The following RAB6B variants were observed in gnomAD, a reference collection of about 807,000 sequenced individuals.
The protein encoded by RAB6B is ras-related protein Rab-6B.
Under a neutral mutation model 31.2 loss-of-function variants are expected in RAB6B, and 7 were observed. The ratio of observed to expected loss-of-function variants is 0.22; its 90% CI spans 0.13 to 0.42. RAB6B has a LOEUF of 0.42. Among genes scored for constraint, RAB6B ranks in the 10% least tolerant of loss-of-function variants. The pLI, the probability that RAB6B is intolerant of heterozygous loss-of-function variation, is 1.00. For missense variants in RAB6B, 149 were observed against 280.6 expected (o/e 0.53, Z 3.35); for synonymous variants, 105 against 104.9 (o/e 1.00, Z -0.01).
rs78264067 is a variant in RAB6B at position 133,886,685 on chromosome 3, G to A, written c.70+8712C>T. ...TGAGCAGCTCTTCCTGCCAGATCACGAGGATGTAGACCCCACAGTTCACAA... is the reference window on the plus strand; with the variant it reads ...TGAGCAGCTCTTCCTGCCAGATCACAAGGATGTAGACCCCACAGTTCACAA... On this transcript the variant is annotated intron_variant, in intron 1 of 7. Coordinates refer to ENST00000285208, the MANE Select transcript of RAB6B (RefSeq NM_016577.4). Among the ~76,000 whole-genome samples the A allele has an allele frequency of 1.5e-3, 234 of 152,302 alleles. 2 individuals carry two copies. The highest frequency in any genetic ancestry group is 5.4e-3 in the African/African-American group (224 of 41,570).
intron 1 of RAB6B, among the ~76,000 whole-genome samples, chr3:133,881,998 T>C (rs1348272433): frequency 2.6e-5 from 4 of 152,266 alleles, no homozygotes; most frequent in Non-Finnish European, 5.9e-5. Context: ...CACTGGATCC[T>C]CTGCTCAGCA....
At chr3:133,857,745 G>A (rs1323529810) in intron 2 of RAB6B, among the ~76,000 whole-genome samples, 3 of 152,160 alleles carry the variant, frequency 2.0e-5, no homozygotes, top group Admixed American at 6.5e-5. Context: ...CCTCCCACTG[G>A]ACTCTTCCTT....
At chr3:133,868,310 A>G (rs1936265865) in intron 1 of RAB6B, among the ~76,000 whole-genome samples, 1 of 152,218 alleles carries the variant, frequency 6.6e-6, no homozygotes, top group South Asian at 2.1e-4. Context: ...AGGGGTGGGC[A>G]GAACCCATCC....
At chr3:133,868,921 T>C (rs1936278796) in intron 1 of RAB6B, among the ~76,000 whole-genome samples, 1 of 152,092 alleles carries the variant, frequency 6.6e-6, no homozygotes, top group African/African-American at 2.4e-5. Flanking sequence ...AGCTGGGAAG[T>C]GGTGGAGCTG....
intron 2 of RAB6B, among the ~76,000 whole-genome samples, chr3:133,850,192 C>T (rs760554765): frequency 5.9e-5 from 9 of 151,996 alleles, no homozygotes; most frequent in Non-Finnish European, 1.0e-4. Flanking sequence ...CTGCCTACCA[C>T]GGGGGGGAGA....
intron 1 of RAB6B, among the ~76,000 whole-genome samples, chr3:133,892,923 A>T (rs1936656544): frequency 6.6e-6 from 1 of 152,242 alleles, no homozygotes; most frequent in Non-Finnish European, 1.5e-5. Flanking sequence ...TAAGGCTTAG[A>T]GATGCACATA....
chr3:133,834,688 C>T, intron 6 of RAB6B, 47 bp from the exon 7 acceptor site: 2 of 1,544,548 alleles, frequency 1.3e-6, no homozygotes, highest in Non-Finnish European at 1.8e-6. Context: ...CTGGCCCTCC[C>T]CTCTGCTCCT....
At position 133,827,850 on chromosome 3, in the gene RAB6B, CA is replaced by C. The variant is rs1935594617; in HGVS notation, c.*937del. 1.5e-6 allele frequency: 1 copy of C among 667,608 alleles called. No individual in the cohort carries two copies. The highest frequency in any genetic ancestry group is 1.5e-5 in the South Asian group (1 of 67,190). The allele number at this position is 667,608 out of a possible 1,614,324, so 41.4% of individuals were successfully genotyped here. A position where few individuals can be genotyped will look rare whatever the true frequency, so the allele number is the denominator to read the frequency against. On this transcript the variant is annotated 3_prime_UTR_variant, in exon 8 of 8. Transcript: ENST00000285208. ...TTCAGGATGGCACACTGCCCAACAT[CA>C]CACACTGAGTTTCTTAGACTTGGCC...
chr3:133,890,107 A>C (rs1231480108), intron 1 of RAB6B, among the ~76,000 whole-genome samples: 1 of 152,234 alleles, frequency 6.6e-6, no homozygotes, highest in East Asian at 1.9e-4. Context: ...AGAGAAATCA[A>C]GAGAAGGAAG....
chr3:133,827,830 G>A lies in RAB6B; in HGVS notation c.*958C>T. On this transcript the variant is annotated 3_prime_UTR_variant, in exon 8 of 8. Coordinates refer to ENST00000285208, the MANE Select transcript of RAB6B (RefSeq NM_016577.4). The stretch of plus-strand genomic sequence containing the variant: ...CTGACATCCAGGAGGAAGGCTTCAG[G>A]ATGGCACACTGCCCAACATCACACA... 1 of 619,714 alleles carries A rather than the reference G, an allele frequency of 1.6e-6. No individual in the cohort carries two copies. The highest frequency in any genetic ancestry group is 1.5e-5 in the South Asian group (1 of 65,998). 38.4% of individuals were successfully genotyped at this position (619,714 alleles called of 1,614,324 possible).
intron 2 of RAB6B, among the ~76,000 whole-genome samples, chr3:133,852,001 A>T (rs1161024694): frequency 6.7e-6 from 1 of 148,800 alleles, no homozygotes; most frequent in Non-Finnish European, 1.5e-5. Context: ...TGCCACCTCC[A>T]TGGAGAGCCA....
chr3:133,895,304 T>G, intron 1 of RAB6B, 93 bp downstream of exon 1: 1 of 1,414,880 alleles, frequency 7.1e-7, no homozygotes, highest in Non-Finnish European at 9.9e-7. Flanking sequence ...GGAGGGGCCT[T>G]TCCGAGCCTG....
intron 2 of RAB6B, among the ~76,000 whole-genome samples, chr3:133,862,103 G>A (rs182493422): frequency 3.3e-5 from 5 of 151,470 alleles, no homozygotes; most frequent in South Asian, 2.1e-4. Flanking sequence ...AGAGCACTGG[G>A]AAAGGAATTC....
chr3:133,844,430 C>A (rs910717597), intron 2 of RAB6B, among the ~76,000 whole-genome samples: 13 of 152,224 alleles, frequency 8.5e-5, no homozygotes, highest in African/African-American at 2.7e-4. Context: ...CACTGAGCCA[C>A]TGAAGAACTT....
chr3:133,830,544 C>T (rs1436182031), intron 7 of RAB6B, among the ~76,000 whole-genome samples: 1 of 152,206 alleles, frequency 6.6e-6, no homozygotes, highest in African/African-American at 2.4e-5. Flanking sequence ...GCTCCCTCCC[C>T]CACACCCAGC....
At chr3:133,889,427 TATATATATATA>T (rs1936603359) in intron 1 of RAB6B, among the ~76,000 whole-genome samples, 4 of 69,670 alleles carry the variant, frequency 5.7e-5, no homozygotes, top group African/African-American at 2.3e-4. Flanking sequence ...TATATATATA[TATATATATATA>T]TATATATTTA....
chr3:133,895,676 A>C lies in RAB6B; in HGVS notation c.-210T>G, dbSNP rs1016648426. On this transcript the variant is annotated 5_prime_UTR_variant, in exon 1 of 8. Transcript: ENST00000285208. ...GAGGAGGAGGAGGAGAGAGAGGCGGAGGCGGAGGAAGGCTGGGGCTGGGCT... is the reference window on the plus strand; with the variant it reads ...GAGGAGGAGGAGGAGAGAGAGGCGGCGGCGGAGGAAGGCTGGGGCTGGGCT... 46 of 581,346 alleles carry C rather than the reference A, an allele frequency of 7.9e-5. No individual in the cohort carries two copies. Among genetic ancestry groups the C allele is most frequent in the Non-Finnish European group, 1.1e-4 (36 of 332,124 alleles). The allele number at this position is 581,346 out of a possible 1,614,324, so 36.0% of individuals were successfully genotyped here. A position where few individuals can be genotyped will look rare whatever the true frequency, so the allele number is the denominator to read the frequency against.
At chr3:133,868,287 T>A (rs1033013411) in intron 1 of RAB6B, among the ~76,000 whole-genome samples, 5 of 152,068 alleles carry the variant, frequency 3.3e-5, no homozygotes, top group Non-Finnish European at 7.4e-5. Context: ...ACTTTCTCAG[T>A]CCCCCAACCA....
At chr3:133,837,198 G>A (rs1935750097) in intron 6 of RAB6B, among the ~76,000 whole-genome samples, 1 of 152,062 alleles carries the variant, frequency 6.6e-6, no homozygotes, top group African/African-American at 2.4e-5. Flanking sequence ...ACCCTTCCGT[G>A]AGCCAAGGAC....
Sources: allele counts gnomAD v4.1 joint callset (sites outside exome capture counted in the v4.1 genomes callset), GRCh38; gene constraint gnomAD v4.1.1; transcripts MANE v1.5; gene names NCBI Gene and HGNC (gene_info 2026-07-23, HGNC 2026-07-21).